Variants in CD58 observed in about 807,000 individuals in gnomAD.
CD58 encodes the protein lymphocyte function-associated antigen 3.
Under a neutral mutation model 27.6 loss-of-function variants are expected in CD58, and 14 were observed. The ratio of observed to expected loss-of-function variants is 0.51; its 90% CI spans 0.34 to 0.79. CD58 has a LOEUF of 0.79. Among genes scored for constraint, CD58 ranks in the 30% least tolerant of loss-of-function variants. CD58 has a pLI of 0.02. For synonymous variants in CD58, 117 were observed against 103.8 expected, an observed-to-expected ratio of 1.13 and a Z score of -0.77; for missense variants, 268 against 301.7, an observed-to-expected ratio of 0.89 and a Z score of 0.83.
At chr1:116,560,035 G>A (rs1336087670) in intron 1 of CD58, 1 of 153,864 alleles carries the variant, frequency 6.5e-6, no homozygotes, top group Non-Finnish European at 1.5e-5. Context: ...TACTAGGTTA[G>A]TGCAAAAGTA....
At chr1:116,548,901 T>C (rs1658288212) in intron 1 of CD58, among the ~76,000 whole-genome samples, 1 of 152,216 alleles carries the variant, frequency 6.6e-6, no homozygotes, top group Non-Finnish European at 1.5e-5. Context: ...CCTCTCCATG[T>C]CTACCTGCAG....
At chr1:116,520,186 GCA>G (rs1491562047) in intron 4 of CD58, among the ~76,000 whole-genome samples, 2 of 152,180 alleles carry the variant, frequency 1.3e-5, no homozygotes, top group African/African-American at 2.4e-5. Flanking sequence ...GAGTGCAGTG[GCA>G]CAATCTCAGC....
intron 1 of CD58, among the ~76,000 whole-genome samples, chr1:116,568,165 A>C (rs1659008895): frequency 2.0e-5 from 3 of 152,100 alleles, no homozygotes; most frequent in South Asian, 4.1e-4. Flanking sequence ...CTCTACCAGG[A>C]AACAGTATTG....
intron 1 of CD58, among the ~76,000 whole-genome samples, chr1:116,562,195 T>C (rs1286734447): frequency 6.6e-6 from 1 of 152,188 alleles, no homozygotes; most frequent in African/African-American, 2.4e-5. Flanking sequence ...AGGAAAATTT[T>C]AAAAAATAAT....
rs894458738 is a variant in CD58 at position 116,523,927 on chromosome 1, G to C, written c.629-1944C>G. Reference sequence around the variant, plus strand: ...AGATGACCAGTGAGTTTTTAAATTTGTTTTTAGTACATTATGAACGCATGA... The same window carrying C: ...AGATGACCAGTGAGTTTTTAAATTTCTTTTTAGTACATTATGAACGCATGA... On this transcript the variant is annotated intron_variant, in intron 3 of 5. Coordinates refer to ENST00000369489, the MANE Select transcript of CD58 (RefSeq NM_001779.3). This position sits in a 1 kb window ranked among gnomAD's most constrained non-coding sequence, Gnocchi z 4.4. Among the ~76,000 whole-genome samples, 1 of 152,156 alleles carries C rather than the reference G, an allele frequency of 6.6e-6. No individual in the cohort carries two copies. Among genetic ancestry groups the C allele is most frequent in the African/African-American group, 2.4e-5 (1 of 41,446 alleles).
In CD58 at chr1:116,559,798, T is replaced by C. The variant is rs1658698929; in HGVS notation, c.70+11105A>G. On this transcript the variant is annotated intron_variant, in intron 1 of 5. Transcript: ENST00000369489. This position sits in a 1 kb window ranked among gnomAD's most constrained non-coding sequence, Gnocchi z 4.4. ...TATGATGCTAAAATAGTTTCCTTTT[T>C]AATTCTTGTTCTTGCACTTAACCTA... Among the ~76,000 whole-genome samples the C allele has an allele frequency of 6.6e-6, 1 of 152,236 alleles. No individual in the cohort carries two copies. The highest frequency in any genetic ancestry group is 6.5e-5 in the Admixed American group (1 of 15,290).
rs1658001034 is a variant in CD58 at position 116,541,966 on chromosome 1, G to A, written c.364+2345C>T. On this transcript the variant is annotated intron_variant, in intron 2 of 5. Coordinates refer to ENST00000369489, the MANE Select transcript of CD58 (RefSeq NM_001779.3). The surrounding 1 kb of genome is among the most constrained non-coding windows in gnomAD (Gnocchi z 5.3). ...GGAAACTAGCAAAAGAAGCTGAAAAGGAATAGTCAGTGTGTTAGAAAGAAA... is the reference window on the plus strand; with the variant it reads ...GGAAACTAGCAAAAGAAGCTGAAAAAGAATAGTCAGTGTGTTAGAAAGAAA... Among the ~76,000 whole-genome samples the A allele has an allele frequency of 2.0e-5, 3 of 152,210 alleles. No individual in the cohort carries two copies. The highest frequency in any genetic ancestry group is 4.8e-5 in the African/African-American group (2 of 41,456).
Position 116,557,772 on chromosome 1 carries a change from C to G in CD58, c.70+13131G>C, listed in dbSNP as rs984769620. ...CACTGTAGCTTCAACCTCCTGGGCT[C>G]AAGTGATCCTTCTGCCTCAGCCTCC... On this transcript the variant is annotated intron_variant, in intron 1 of 5. Transcript: ENST00000369489. This position sits in a 1 kb window ranked among gnomAD's most constrained non-coding sequence, Gnocchi z 5.2. 2.0e-5 allele frequency among the ~76,000 whole-genome samples: 3 copies of G among 151,998 alleles called. No homozygotes were observed. Among genetic ancestry groups the G allele is most frequent in the Non-Finnish European group, 4.4e-5 (3 of 67,996 alleles).
chr1:116,531,248 G>C lies in CD58; in HGVS notation c.628+4717C>G, dbSNP rs1327640574. On this transcript the variant is annotated intron_variant, in intron 3 of 5. Transcript: ENST00000369489. This position sits in a 1 kb window ranked among gnomAD's most constrained non-coding sequence, Gnocchi z 4.5. Reference sequence around the variant, plus strand: ...AAGTTAAACATAAAGTTTTGCAAGGGCAAAACCTTTAAAAATCCCCTAAAA... The same window carrying C: ...AAGTTAAACATAAAGTTTTGCAAGGCCAAAACCTTTAAAAATCCCCTAAAA... 6.6e-6 allele frequency among the ~76,000 whole-genome samples: 1 copy of C among 152,134 alleles called. No homozygotes were observed. Among genetic ancestry groups the C allele is most frequent in the Admixed American group, 6.5e-5 (1 of 15,272 alleles).
intron 1 of CD58, among the ~76,000 whole-genome samples, chr1:116,556,183 A>T (rs1658552170): frequency 7.5e-6 from 1 of 133,294 alleles, no homozygotes; most frequent in Admixed American, 8.8e-5. Flanking sequence ...TGAACCCGGG[A>T]GGTGGAGGTT....
intron 1 of CD58, among the ~76,000 whole-genome samples, chr1:116,567,205 A>G (rs1658967528): frequency 8.5e-6 from 1 of 118,218 alleles, no homozygotes. Context: ...AGGGAAGGGA[A>G]GGGACAGGAA....
chr1:116,519,256 A>G lies in CD58; in HGVS notation c.718T>C (p.Cys240Arg). 1 of 1,612,218 alleles carries G rather than the reference A, an allele frequency of 6.2e-7. No homozygotes were observed. The highest frequency in any genetic ancestry group is 8.5e-7 in the Non-Finnish European group (1 of 1,178,996). Residue 240 changes from cysteine (C) to arginine (R), a missense_variant, in exon 5 of 6, where the codon TGT becomes CGT. Coordinates refer to ENST00000369489, the MANE Select transcript of CD58 (RefSeq NM_001779.3). This position sits in a 1 kb window ranked among gnomAD's most constrained non-coding sequence, Gnocchi z 4.7. ...TTGGTTCTGTCTGGTTTTCTGTCACATTTCAGAATACCTAAAAATGAAGAA... is the reference window on the plus strand; with the variant it reads ...TTGGTTCTGTCTGGTTTTCTGTCACGTTTCAGAATACCTAAAAATGAAGAA... ...IVLYMNGILK[C>R]DRKPDRTNSN is the part of the protein sequence containing the mutation.
Position 116,516,101 on chromosome 1 carries a change from G to T in CD58, c.744-1279C>A, listed in dbSNP as rs894602470. ...CTGGTCTCTTAACTCCTGGGCTCAAGAAATCCTCCCACTAACTCCTAAACT... is the reference window on the plus strand; with the variant it reads ...CTGGTCTCTTAACTCCTGGGCTCAATAAATCCTCCCACTAACTCCTAAACT... On this transcript the variant is annotated intron_variant, in intron 5 of 5. Coordinates refer to ENST00000369489, the MANE Select transcript of CD58 (RefSeq NM_001779.3). This position sits in a 1 kb window ranked among gnomAD's most constrained non-coding sequence, Gnocchi z 6.1. 1.3e-5 allele frequency among the ~76,000 whole-genome samples: 2 copies of T among 151,946 alleles called. No homozygotes were observed. The highest frequency in any genetic ancestry group is 2.4e-5 in the African/African-American group (1 of 41,312).
At chr1:116,533,177 T>G in intron 3 of CD58, 1 of 752,864 alleles carries the variant, frequency 1.3e-6, no homozygotes, top group South Asian at 1.4e-5. Context: ...CTTTATCCAG[T>G]GATTCTCCGT....
rs1657595389 is a variant in CD58 at position 116,531,276 on chromosome 1, T to C, written c.628+4689A>G. The stretch of plus-strand genomic sequence containing the variant: ...AAACCTTTAAAAATCCCCTAAAATA[T>C]TCCATGTAATTCTATAGAGGGATCT... On this transcript the variant is annotated intron_variant, in intron 3 of 5. Coordinates refer to ENST00000369489, the MANE Select transcript of CD58 (RefSeq NM_001779.3). This position sits in a 1 kb window ranked among gnomAD's most constrained non-coding sequence, Gnocchi z 4.5. Among the ~76,000 whole-genome samples the C allele has an allele frequency of 6.6e-6, 1 of 152,192 alleles. No homozygotes were observed. The highest frequency in any genetic ancestry group is 6.5e-5 in the Admixed American group (1 of 15,286).
intron 1 of CD58, among the ~76,000 whole-genome samples, chr1:116,562,871 C>T (rs371385933): frequency 5.1e-4 from 77 of 152,264 alleles, no homozygotes; most frequent in African/African-American, 1.8e-3. Flanking sequence ...ATCATTCCAC[C>T]CCGGCCCCTC....
At chr1:116,535,844 A>C in intron 3 of CD58, 121 bp downstream of exon 3, 2 of 296,076 alleles carry the variant, frequency 6.8e-6, no homozygotes, top group Non-Finnish European at 9.5e-6. Context: ...CTGTCTCAAA[A>C]AAAAAAAAAA....
At chr1:116,542,823 G>A (rs2101187228) in intron 2 of CD58, among the ~76,000 whole-genome samples, 1 of 152,270 alleles carries the variant, frequency 6.6e-6, no homozygotes, top group South Asian at 2.1e-4. Flanking sequence ...GCTCAGGTAT[G>A]GGTAGGAAGG....
chr1:116,570,626 G>A lies in CD58; in HGVS notation c.70+277C>T, dbSNP rs941505434. On this transcript the variant is annotated intron_variant, in intron 1 of 5. Coordinates refer to ENST00000369489, the MANE Select transcript of CD58 (RefSeq NM_001779.3). This position sits in a 1 kb window ranked among gnomAD's most constrained non-coding sequence, Gnocchi z 6.4. Reference sequence around the variant, plus strand: ...ACTGGAGCTCGGGAGGGGGCCGGCGGGGGGGCGCAGGCCCCGCAGGAGAGG... The same window carrying A: ...ACTGGAGCTCGGGAGGGGGCCGGCGAGGGGGCGCAGGCCCCGCAGGAGAGG... Among the ~76,000 whole-genome samples, 3 of 152,120 alleles carry A rather than the reference G, an allele frequency of 2.0e-5. No individual in the cohort carries two copies. The highest frequency in any genetic ancestry group is 2.9e-5 in the Non-Finnish European group (2 of 68,012).
Sources: gnomAD v4.1 joint callset for allele counts (sites outside exome capture counted in the v4.1 genomes callset) on GRCh38, gnomAD v4.1.1 for gene constraint, Gnocchi (gnomAD v3.1) non-coding constraint, MANE v1.5 for transcripts, NCBI Gene and HGNC (gene_info 2026-07-23, HGNC 2026-07-21) for gene names.